Variants in CATSPERT observed in about 807,000 individuals in gnomAD.
The protein encoded by CATSPERT is catsper channel auxiliary subunit tau, also known as cation channel sperm-associated targeting subunit tau.
At chr2:201,546,072 C>A in the CATSPERT span, among the ~76,000 whole-genome samples, 1 of 151,996 alleles carries the variant, frequency 6.6e-6, no homozygotes. Context: ...GATCAGTGGG[C>A]ACTTATAAAA....
At chr2:201,606,461 C>T in the CATSPERT span, among the ~76,000 whole-genome samples, 2 of 152,186 alleles carry the variant, frequency 1.3e-5, no homozygotes, top group African/African-American at 2.4e-5. Flanking sequence ...AACAAAGTAA[C>T]AGCATTCATG....
the CATSPERT span, chr2:201,550,519 A>G: frequency 6.6e-6 from 1 of 152,210 alleles, no homozygotes; most frequent in African/African-American, 2.4e-5. Flanking sequence ...TAAGAAAAAA[A>G]GTGAATGAAA....
chr2:201,591,583 C>A, the CATSPERT span, among the ~76,000 whole-genome samples: 1 of 152,046 alleles, frequency 6.6e-6, no homozygotes, highest in South Asian at 2.1e-4. Flanking sequence ...GGCAGTATGG[C>A]CATTTTCACG....
the CATSPERT span, among the ~76,000 whole-genome samples, chr2:201,581,546 G>GTA: frequency 2.6e-3 from 39 of 14,722 alleles, 5 homozygotes; most frequent in Non-Finnish European, 3.3e-3. Context: ...AAAAAAATGT[G>GTA]TGTATATATA....
At chr2:201,563,343 C>T in the CATSPERT span, among the ~76,000 whole-genome samples, 1 of 134,860 alleles carries the variant, frequency 7.4e-6, no homozygotes, top group Non-Finnish European at 1.6e-5. Flanking sequence ...CCCTCCCGGA[C>T]TGGGCGGCTG....
At chr2:201,543,086 C>T in the CATSPERT span, among the ~76,000 whole-genome samples, 1 of 152,158 alleles carries the variant, frequency 6.6e-6, no homozygotes, top group Non-Finnish European at 1.5e-5. Flanking sequence ...CCAGTTTTCC[C>T]AACACCATTT....
chr2:201,558,083 C>T, the CATSPERT span: 1 of 152,212 alleles, frequency 6.6e-6, no homozygotes, highest in South Asian at 2.1e-4. Flanking sequence ...CTTTTAATTA[C>T]ACTTATCGCC....
chr2:201,571,820 C>T, the CATSPERT span: 45 of 782,142 alleles, frequency 5.8e-5, no homozygotes, highest in African/African-American at 7.2e-4. Flanking sequence ...GAGTCTACCC[C>T]ATCCTGGCCA....
the CATSPERT span, chr2:201,495,941 G>A: frequency 4.9e-5 from 79 of 1,597,018 alleles, no homozygotes; most frequent in Non-Finnish European, 6.3e-5. Flanking sequence ...GAAAGATGGT[G>A]AATTATATTC....
the CATSPERT span, among the ~76,000 whole-genome samples, chr2:201,600,056 T>C: frequency 6.6e-6 from 1 of 152,130 alleles, no homozygotes; most frequent in Admixed American, 6.5e-5. Flanking sequence ...GAACTAGAAA[T>C]ACCATTTAAC....
chr2:201,603,352 C>A, the CATSPERT span: 1 of 1,276,578 alleles, frequency 7.8e-7, no homozygotes, highest in South Asian at 1.5e-5. Context: ...ACACTGAGCT[C>A]TATTTTTAAA....
chr2:201,488,641 A>G, the CATSPERT span, among the ~76,000 whole-genome samples: 2 of 152,188 alleles, frequency 1.3e-5, no homozygotes, highest in African/African-American at 4.8e-5. Flanking sequence ...CAGTTTGAGC[A>G]GCTCATCTCA....
At chr2:201,541,210 A>G in the CATSPERT span, among the ~76,000 whole-genome samples, 11,859 of 152,226 alleles carry the variant, frequency 0.078, 486 homozygotes, top group Middle Eastern at 0.1. Flanking sequence ...GAACACTGCT[A>G]AAATGACAAC....
chr2:201,563,213 G>C, the CATSPERT span, among the ~76,000 whole-genome samples: 1 of 125,884 alleles, frequency 7.9e-6, no homozygotes, highest in Non-Finnish European at 1.7e-5. Context: ...CCTCCCTCCC[G>C]GACTGGGCGG....
At chr2:201,594,688 T>C in the CATSPERT span, among the ~76,000 whole-genome samples, 1 of 151,980 alleles carries the variant, frequency 6.6e-6, no homozygotes, top group African/African-American at 2.4e-5. Context: ...CTTTTTATTC[T>C]TTTTTCTCTA....
At chr2:201,608,293 A>G in the CATSPERT span, among the ~76,000 whole-genome samples, 1 of 152,126 alleles carries the variant, frequency 6.6e-6, no homozygotes, top group Non-Finnish European at 1.5e-5. Context: ...GATTAGAGGC[A>G]TGAGCCATCA....
chr2:201,600,911 C>G, the CATSPERT span, among the ~76,000 whole-genome samples: 1 of 152,086 alleles, frequency 6.6e-6, no homozygotes, highest in African/African-American at 2.4e-5. Context: ...ACCACCATGC[C>G]TGGCTAATTT....
At chr2:201,502,634 T>C in the CATSPERT span, among the ~76,000 whole-genome samples, 1 of 151,792 alleles carries the variant, frequency 6.6e-6, no homozygotes. Context: ...CTTATTTAAA[T>C]CTGTAAATAA....
chr2:201,619,172 C>T, the CATSPERT span: 2 of 1,601,482 alleles, frequency 1.2e-6, no homozygotes, highest in African/African-American at 2.7e-5. Flanking sequence ...ACCGACGGCC[C>T]GCTACTGCGC....
Sources: gnomAD v4.1 joint callset for allele counts (sites outside exome capture counted in the v4.1 genomes callset) on GRCh38, gnomAD v4.1.1 for gene constraint, MANE v1.5 for transcripts, NCBI Gene and HGNC (gene_info 2026-07-23, HGNC 2026-07-21) for gene names.